The following TMEM45A variants were observed in gnomAD, a reference collection of about 807,000 sequenced individuals.
TMEM45A encodes DNA polymerase-transactivated protein 4.
In TMEM45A, 25 loss-of-function variants were observed where a neutral mutation model predicts 32.0. That is an observed-to-expected ratio of 0.78 (90% CI 0.57 to 1.09). The LOEUF is 1.09. Ranked by LOEUF, TMEM45A falls within the 50% of genes least tolerant of loss-of-function variation. The pLI is 0.00. For synonymous variants in TMEM45A, 122 were observed against 114.8 expected, an observed-to-expected ratio of 1.06 and a Z score of -0.40; for missense variants, 302 against 325.0, an observed-to-expected ratio of 0.93 and a Z score of 0.54.
intron 1 of TMEM45A, among the ~76,000 whole-genome samples, chr3:100,544,556 G>T (rs1705948831): frequency 6.6e-6 from 1 of 152,090 alleles, no homozygotes; most frequent in African/African-American, 2.4e-5. Flanking sequence ...CCACTGATCT[G>T]CTTTCTATCA....
chr3:100,505,998 C>G (rs1576257764), intron 1 of TMEM45A, among the ~76,000 whole-genome samples: 3 of 152,222 alleles, frequency 2.0e-5, no homozygotes, highest in African/African-American at 7.2e-5. Context: ...GAGAGAGGAC[C>G]CCGATAACTG....
At chr3:100,502,780 T>C (rs548075901) in intron 1 of TMEM45A, among the ~76,000 whole-genome samples, 60 of 152,290 alleles carry the variant, frequency 3.9e-4, no homozygotes, top group African/African-American at 1.4e-3. Context: ...CTAAATACTT[T>C]ATATTAATGA....
chr3:100,553,926 C>T (rs1361630214), intron 1 of TMEM45A, among the ~76,000 whole-genome samples: 2 of 152,124 alleles, frequency 1.3e-5, no homozygotes, highest in African/African-American at 4.8e-5. Flanking sequence ...CTGAGTTTCA[C>T]AGTTGTATCA....
At chr3:100,565,486 C>A (rs9868719) in intron 4 of TMEM45A, among the ~76,000 whole-genome samples, 48,883 of 151,874 alleles carry the variant, frequency 0.32, 8,760 homozygotes, top group African/African-American at 0.46. Flanking sequence ...TTCTTGTAAC[C>A]TTTCATTTAT....
intron 1 of TMEM45A, among the ~76,000 whole-genome samples, chr3:100,510,375 G>C (rs983995448): frequency 1.3e-5 from 2 of 152,144 alleles, no homozygotes; most frequent in Non-Finnish European, 2.9e-5. Flanking sequence ...ACCTCACATG[G>C]CTGGGTACTC....
intron 1 of TMEM45A, among the ~76,000 whole-genome samples, chr3:100,496,345 G>T (rs1353808992): frequency 6.6e-6 from 1 of 152,198 alleles, no homozygotes; most frequent in Non-Finnish European, 1.5e-5. Flanking sequence ...TCCTGTGAGG[G>T]TTGGTACCTA....
chr3:100,558,547 G>C lies in TMEM45A; in HGVS notation c.546G>C (p.Leu182Phe), dbSNP rs1706268912. The C allele has an allele frequency of 1.2e-6, 2 of 1,614,024 alleles. No homozygotes were observed. The highest frequency in any genetic ancestry group is 1.7e-5 in the Admixed American group (1 of 59,988). ...LVRNNVLLEL[L>F]RSSLILLQGS... is the part of the protein sequence containing the mutation. ...GGAACAATGTACTTCTGGAGCTATT[G>C]CGGTCAAGTCTCATTCTGCTTCAGG... The change falls in exon 4 of 6, where the codon TTG becomes TTC. Residue 182 changes from leucine (L) to phenylalanine (F), a missense_variant. By Grantham distance (22) the Leu-to-Phe change is conservative. Transcript: ENST00000323523.
At chr3:100,572,142 A>G (rs1291612620) in intron 5 of TMEM45A, 1 of 152,210 alleles carries the variant, frequency 6.6e-6, no homozygotes, top group Non-Finnish European at 1.5e-5. Flanking sequence ...ATCAAATGGT[A>G]TTTCTAGTTC....
At chr3:100,546,359 G>T (rs1705980031) in intron 1 of TMEM45A, among the ~76,000 whole-genome samples, 2 of 152,344 alleles carry the variant, frequency 1.3e-5, no homozygotes, top group South Asian at 4.1e-4. Context: ...TGTTACAGCA[G>T]CAATAGAAAA....
chr3:100,526,123 C>T (rs2148952121), intron 1 of TMEM45A, among the ~76,000 whole-genome samples: 1 of 152,292 alleles, frequency 6.6e-6, no homozygotes, highest in African/African-American at 2.4e-5. Context: ...TGTGACGCTG[C>T]CAAATTAATC....
At chr3:100,556,232 C>T (rs543264747) in intron 2 of TMEM45A, among the ~76,000 whole-genome samples, 3 of 152,254 alleles carry the variant, frequency 2.0e-5, no homozygotes, top group Non-Finnish European at 2.9e-5. Context: ...CTGCCTGCCT[C>T]GGCCTCCCGA....
chr3:100,530,344 A>C (rs1393150477), intron 1 of TMEM45A, among the ~76,000 whole-genome samples: 17 of 152,132 alleles, frequency 1.1e-4, no homozygotes, highest in Admixed American at 1.1e-3. Flanking sequence ...CAATCGCAAA[A>C]CCAAAGGCAG....
At chr3:100,552,475 A>G (rs12634317) in intron 1 of TMEM45A, among the ~76,000 whole-genome samples, 79,071 of 152,066 alleles carry the variant, frequency 0.52, 22,455 homozygotes, top group African/African-American at 0.76. Flanking sequence ...TCAATGTTAG[A>G]CAACAGAGGT....
At chr3:100,527,397 C>A (rs1050777195) in intron 1 of TMEM45A, among the ~76,000 whole-genome samples, 1 of 151,834 alleles carries the variant, frequency 6.6e-6, no homozygotes, top group African/African-American at 2.4e-5. Context: ...TTCTCAGCTA[C>A]CCTCATGATA....
intron 1 of TMEM45A, among the ~76,000 whole-genome samples, chr3:100,505,507 G>A (rs147466306): frequency 3.7e-4 from 56 of 152,320 alleles, no homozygotes; most frequent in African/African-American, 1.3e-3. Context: ...AATGGAGAAT[G>A]TGATGTAGCA....
At chr3:100,512,254 C>T (rs903716344) in intron 1 of TMEM45A, among the ~76,000 whole-genome samples, 2 of 152,146 alleles carry the variant, frequency 1.3e-5, no homozygotes, top group Non-Finnish European at 2.9e-5. Context: ...TGTAAAAGAA[C>T]AGAAATTATA....
At chr3:100,559,959 CAAG>C (rs1447404743) in intron 4 of TMEM45A, among the ~76,000 whole-genome samples, 2 of 152,066 alleles carry the variant, frequency 1.3e-5, no homozygotes, top group Admixed American at 6.5e-5. Flanking sequence ...AAATGTAGAG[CAAG>C]AGTCGAGCTG....
At chr3:100,496,043 C>T (rs1204791999) in intron 1 of TMEM45A, among the ~76,000 whole-genome samples, 1 of 152,198 alleles carries the variant, frequency 6.6e-6, no homozygotes, top group Non-Finnish European at 1.5e-5. Flanking sequence ...AGTTCCCTTG[C>T]TTTCTCTTCC....
intron 1 of TMEM45A, among the ~76,000 whole-genome samples, chr3:100,534,051 C>T (rs139737706): frequency 2.0e-4 from 31 of 152,288 alleles, no homozygotes; most frequent in African/African-American, 6.5e-4. Flanking sequence ...CTAGACAACA[C>T]TTTGCTCTTC....
Sources: gnomAD v4.1 joint callset for allele counts (sites outside exome capture counted in the v4.1 genomes callset) on GRCh38, gnomAD v4.1.1 for gene constraint, MANE v1.5 for transcripts, NCBI Gene and HGNC (gene_info 2026-07-23, HGNC 2026-07-21) for gene names.